Variants in TMEM108 observed in about 807,000 individuals in gnomAD.
TMEM108 encodes the protein transmembrane protein 108.
TMEM108 carries 12 observed loss-of-function variants against 35.1 expected under a neutral mutation model. The observed-to-expected ratio is 0.34, with a 90% CI of 0.22 to 0.55. TMEM108 has a LOEUF of 0.55. Ranked by LOEUF, TMEM108 falls within the 20% of genes least tolerant of loss-of-function variation. TMEM108 has a pLI of 0.89. For synonymous variants in TMEM108, 287 were observed against 308.6 expected (o/e 0.93, Z 0.73); for missense variants, 680 against 753.3 (o/e 0.90, Z 1.14).
intron 3 of TMEM108, among the ~76,000 whole-genome samples, chr3:133,356,646 T>C (rs909942006): frequency 6.6e-6 from 1 of 152,094 alleles, no homozygotes; most frequent in African/African-American, 2.4e-5. Context: ...TGGGACGGAA[T>C]AGAGAACCCA....
At chr3:133,238,932 C>T (rs907386950) in intron 3 of TMEM108, among the ~76,000 whole-genome samples, 1 of 152,174 alleles carries the variant, frequency 6.6e-6, no homozygotes, top group African/African-American at 2.4e-5. Context: ...CGGAACTTCA[C>T]CATTCTTTAT....
intron 2 of TMEM108, among the ~76,000 whole-genome samples, chr3:133,137,495 A>G (rs1364387593): frequency 2.0e-5 from 3 of 152,190 alleles, no homozygotes; most frequent in Non-Finnish European, 4.4e-5. Context: ...TCTTCAAGTA[A>G]CAAAGGAAGG....
At chr3:133,104,037 A>G (rs1198971677) in intron 2 of TMEM108, among the ~76,000 whole-genome samples, 2 of 152,186 alleles carry the variant, frequency 1.3e-5, no homozygotes, top group Non-Finnish European at 1.5e-5. Flanking sequence ...TCTATAAATA[A>G]TATCATTTCT....
intron 3 of TMEM108, among the ~76,000 whole-genome samples, chr3:133,340,608 C>CA (rs199764529): frequency 0.019 from 2,817 of 147,616 alleles, 32 homozygotes; most frequent in Middle Eastern, 0.041. Context: ...AGAGACACAT[C>CA]AAAAAAAAAC....
chr3:133,374,690 T>C (rs2072782563), intron 3 of TMEM108, among the ~76,000 whole-genome samples: 1 of 152,106 alleles, frequency 6.6e-6, no homozygotes, highest in African/African-American at 2.4e-5. Context: ...TCCAGTCCTT[T>C]TATTGTACTA....
At chr3:133,159,210 C>T (rs943565485) in intron 2 of TMEM108, among the ~76,000 whole-genome samples, 2 of 152,134 alleles carry the variant, frequency 1.3e-5, no homozygotes, top group Admixed American at 6.5e-5. Context: ...TCACACCAGT[C>T]GATAGTGATG....
intron 2 of TMEM108, among the ~76,000 whole-genome samples, chr3:133,057,913 A>G (rs1943491869): frequency 6.6e-6 from 1 of 152,144 alleles, no homozygotes; most frequent in Admixed American, 6.5e-5. Context: ...TAGGTAGAAG[A>G]AAGGGAGCCT....
intron 2 of TMEM108, among the ~76,000 whole-genome samples, chr3:133,060,669 C>T (rs755674199): frequency 1.3e-5 from 2 of 152,046 alleles, no homozygotes; most frequent in Non-Finnish European, 2.9e-5. Context: ...AGTATTTGTC[C>T]AACTTCTAGT....
At chr3:133,378,356 C>T (rs2072904483) in intron 3 of TMEM108, 2 of 985,520 alleles carry the variant, frequency 2.0e-6, no homozygotes, top group South Asian at 9.4e-5. Context: ...CTGCCTTCTC[C>T]ATCAGACACC....
chr3:133,300,900 A>C (rs1389725304), intron 3 of TMEM108, among the ~76,000 whole-genome samples: 7 of 151,510 alleles, frequency 4.6e-5, no homozygotes, highest in Non-Finnish European at 7.4e-5. Context: ...GTCAACCCCT[A>C]CCCAGATGCA....
In TMEM108 at chr3:133,169,411, A is replaced by ATC. The variant is rs1373787469; in HGVS notation, c.-46-59853_-46-59852dup. Among the ~76,000 whole-genome samples the ATC allele has an allele frequency of 2.0e-5, 3 of 152,232 alleles. No individual in the cohort carries two copies. The East Asian group carries it at 5.8e-4, about 29-fold the overall frequency. On this transcript the variant is annotated intron_variant, in intron 2 of 5. Coordinates refer to ENST00000321871, the MANE Select transcript of TMEM108 (RefSeq NM_023943.4). ...CCTATTATAAACAGAACTCTAAAAT[A>ATC]TCTATACAGCAAAGGGACTGTGTTG...
rs552139896 is a variant in TMEM108 at position 133,356,760 on chromosome 3, A to C, written c.41-22992A>C. Among the ~76,000 whole-genome samples, 6 of 152,258 alleles carry C rather than the reference A, an allele frequency of 3.9e-5. No homozygotes were observed. In the South Asian group the frequency reaches 1.2e-3, roughly 32 times the overall value. The stretch of plus-strand genomic sequence containing the variant: ...AATAAATGGTGCTGGGAAAACTGGC[A>C]AGTCATATGTAGAAGAATGAAACTG... On this transcript the variant is annotated intron_variant, in intron 3 of 5. Transcript: ENST00000321871.
At chr3:133,301,712 C>G (rs1299407618) in intron 3 of TMEM108, among the ~76,000 whole-genome samples, 2 of 152,128 alleles carry the variant, frequency 1.3e-5, no homozygotes, top group Non-Finnish European at 2.9e-5. Flanking sequence ...CAGTTTTATA[C>G]TCTCTGCAAG....
At chr3:133,208,719 T>TG (rs1425498345) in intron 2 of TMEM108, among the ~76,000 whole-genome samples, 1 of 152,138 alleles carries the variant, frequency 6.6e-6, no homozygotes. Flanking sequence ...AAAACTGTAT[T>TG]GGGGAAGGCT....
At chr3:133,181,033 AAAAAAC>A (rs1417801731) in intron 2 of TMEM108, among the ~76,000 whole-genome samples, 1 of 136,958 alleles carries the variant, frequency 7.3e-6, no homozygotes, top group African/African-American at 2.6e-5. Context: ...AAAAAAAAAA[AAAAAAC>A]AGCACTCCCA....
intron 3 of TMEM108, among the ~76,000 whole-genome samples, chr3:133,250,877 C>T (rs1390835235): frequency 6.6e-6 from 1 of 151,872 alleles, no homozygotes; most frequent in African/African-American, 2.4e-5. Context: ...ATTTACTTTG[C>T]CTCTCATTTT....
At chr3:133,062,102 A>G (rs781195735) in intron 2 of TMEM108, among the ~76,000 whole-genome samples, 42 of 152,264 alleles carry the variant, frequency 2.8e-4, no homozygotes, top group Non-Finnish European at 1.0e-4. Flanking sequence ...AAGTCCAAGA[A>G]TGCATTTTCT....
In TMEM108 at chr3:133,090,853, G is replaced by GA. The variant is rs1293377498; in HGVS notation, c.-47+44836dup. Among the ~76,000 whole-genome samples the GA allele has an allele frequency of 3.9e-5, 6 of 152,148 alleles. No individual in the cohort carries two copies. In the East Asian group the frequency reaches 1.2e-3, roughly 29 times the overall value. On this transcript the variant is annotated intron_variant, in intron 2 of 5. Transcript: ENST00000321871. ...GTCACTAAATATTCTTAGAGAACTT[G>GA]AAAGTATTCTATTATATGGAGCTCC...
chr3:133,143,676 C>G (rs1358394662), intron 2 of TMEM108, among the ~76,000 whole-genome samples: 2 of 152,114 alleles, frequency 1.3e-5, no homozygotes, highest in African/African-American at 4.8e-5. Flanking sequence ...GTGTAATTCT[C>G]CTAAGCCCCC....
Sources: gnomAD v4.1 joint callset for allele counts (sites outside exome capture counted in the v4.1 genomes callset) on GRCh38, gnomAD v4.1.1 for gene constraint, MANE v1.5 for transcripts, NCBI Gene and HGNC (gene_info 2026-07-23, HGNC 2026-07-21) for gene names.